The following FAAH2 variants were observed in gnomAD, a reference collection of about 807,000 sequenced individuals.
FAAH2 encodes fatty-acid amide hydrolase 2.
FAAH2 carries 60 observed loss-of-function variants against 36.9 expected under a neutral mutation model. The observed-to-expected ratio is 1.63, with a 90% CI of 1.32 to 2.02. The LOEUF (loss-of-function observed/expected upper bound fraction) is 2.02. Among genes scored for constraint, FAAH2 ranks in the 30% most tolerant of loss-of-function variants. The pLI is 0.00. For missense variants in FAAH2, 689 were observed against 397.5 expected, an observed-to-expected ratio of 1.73 and a Z score of -6.23; for synonymous variants, 214 against 143.8, an observed-to-expected ratio of 1.49 and a Z score of -3.49.
rs1440333438 is a variant in FAAH2 at position 57,378,542 on chromosome X, T to C, written c.743-109T>C. 1.2e-5 allele frequency: 12 copies of C among 1,025,208 alleles called. No individual in the cohort carries two copies. In the Admixed American group the frequency reaches 2.9e-4, roughly 25 times the overall value. The allele number at this position is 1,025,208 out of a possible 1,213,427, so 84.5% of individuals were successfully genotyped here. ...TGAGATATAAGAAGACCTGAAAAGT[T>C]TTAACCAGGAGAAAAAGTATTTAAG... On this transcript the variant is annotated intron_variant, in intron 5 of 10. Coordinates refer to ENST00000374900, the MANE Select transcript of FAAH2 (RefSeq NM_174912.4).
intron 10 of FAAH2, among the ~76,000 whole-genome samples, chrX:57,462,255 C>T (rs1280985358): frequency 1.8e-5 from 2 of 108,867 alleles, no homozygotes; most frequent in African/African-American, 6.7e-5. Context: ...ACTATTCCTT[C>T]TGAAACGATT....
chrX:57,137,928 A>G, the FAAH2 span, among the ~76,000 whole-genome samples: 4 of 111,743 alleles, frequency 3.6e-5, no homozygotes, highest in African/African-American at 1.3e-4. Flanking sequence ...TTCTGTGTAC[A>G]GTTCCAGAAA....
chrX:57,244,071 A>C, the FAAH2 span, among the ~76,000 whole-genome samples: 1 of 108,441 alleles, frequency 9.2e-6, no homozygotes, highest in Non-Finnish European at 1.9e-5. Flanking sequence ...TGGAGCTGAA[A>C]AACATAGCAT....
At chrX:57,459,740 C>T (rs770003156) in intron 10 of FAAH2, among the ~76,000 whole-genome samples, 2 of 112,100 alleles carry the variant, frequency 1.8e-5, no homozygotes, top group Non-Finnish European at 3.8e-5. Flanking sequence ...CTTCAGCAGA[C>T]CTGCGGAAGA....
At chrX:57,285,462 G>A (rs1188805145), upstream of FAAH2, among the ~76,000 whole-genome samples, 3 of 111,938 alleles carry the variant, frequency 2.7e-5, no homozygotes, top group African/African-American at 6.5e-5. Flanking sequence ...TCTAGATGGG[G>A]CATAGACACA....
At chrX:57,127,521 G>A in the FAAH2 span, among the ~76,000 whole-genome samples, 1 of 111,209 alleles carries the variant, frequency 9.0e-6, no homozygotes. Flanking sequence ...AGATTTCTTT[G>A]TCTTAAGGAG....
chrX:57,158,768 C>T, the FAAH2 span, among the ~76,000 whole-genome samples: 20 of 111,799 alleles, frequency 1.8e-4, no homozygotes, highest in African/African-American at 6.2e-4. Context: ...GAGTAGATTG[C>T]AAAAATTTTC....
chrX:57,444,980 C>G (rs1311805583), intron 8 of FAAH2, among the ~76,000 whole-genome samples: 1 of 111,687 alleles, frequency 9.0e-6, no homozygotes, highest in Non-Finnish European at 1.9e-5. Context: ...CTGAATTGGT[C>G]ACTGGTGCCT....
At chrX:57,315,292 G>A (rs1264331882) in intron 3 of FAAH2, among the ~76,000 whole-genome samples, 1 of 110,821 alleles carries the variant, frequency 9.0e-6, no homozygotes, top group Non-Finnish European at 1.9e-5. Context: ...AAGTGTCCTG[G>A]ACTAGATGGA....
the FAAH2 span, among the ~76,000 whole-genome samples, chrX:57,140,088 T>C: frequency 9.0e-6 from 1 of 111,721 alleles, no homozygotes; most frequent in Non-Finnish European, 1.9e-5. Flanking sequence ...GTTTAGTTTA[T>C]TTCTAGGTAT....
the FAAH2 span, among the ~76,000 whole-genome samples, chrX:57,261,552 C>CAAAAAAAAAAA: frequency 0.016 from 361 of 22,639 alleles, no homozygotes; most frequent in East Asian, 0.022. Context: ...GACTCTGTCT[C>CAAAAAAAAAAA]AAAAAAAAAA....
upstream of FAAH2, among the ~76,000 whole-genome samples, chrX:57,283,064 C>T (rs1453748645): frequency 8.9e-6 from 1 of 112,379 alleles, no homozygotes; most frequent in Non-Finnish European, 1.9e-5. Flanking sequence ...AAGGGTGGGG[C>T]AGCTGCGTTT....
the FAAH2 span, among the ~76,000 whole-genome samples, chrX:57,165,876 G>A: frequency 9.1e-6 from 1 of 110,394 alleles, no homozygotes; most frequent in Non-Finnish European, 1.9e-5. Context: ...AGACACTCCT[G>A]TTTTCACACC....
chrX:57,333,286 C>G (rs1013102646), intron 4 of FAAH2, among the ~76,000 whole-genome samples: 2 of 111,572 alleles, frequency 1.8e-5, no homozygotes, highest in African/African-American at 6.5e-5. Context: ...TAACCCCTAG[C>G]CAGGGAAACA....
chrX:57,463,626 T>C (rs1460744080), intron 10 of FAAH2, among the ~76,000 whole-genome samples: 4 of 111,225 alleles, frequency 3.6e-5, no homozygotes, highest in African/African-American at 1.3e-4. Context: ...AAAAAAGACA[T>C]TTATCTGGCC....
chrX:57,393,559 G>A (rs956581695), intron 7 of FAAH2: 6 of 947,975 alleles, frequency 6.3e-6, no homozygotes, highest in Non-Finnish European at 9.1e-6. Context: ...ACACTGGAGT[G>A]CCCTCCAATC....
chrX:57,281,702 G>A, the FAAH2 span, among the ~76,000 whole-genome samples: 36 of 111,328 alleles, frequency 3.2e-4, no homozygotes, highest in Non-Finnish European at 6.2e-4. Context: ...GTAATTTTTT[G>A]GTCCTCAGCC....
chrX:57,138,420 T>TTATA, the FAAH2 span, among the ~76,000 whole-genome samples: 11 of 107,769 alleles, frequency 1.0e-4, no homozygotes, highest in Non-Finnish European at 1.5e-4. Flanking sequence ...TAATATTTTA[T>TTATA]TATATATATA....
the FAAH2 span, among the ~76,000 whole-genome samples, chrX:57,256,077 G>A: frequency 8.9e-6 from 1 of 112,262 alleles, no homozygotes; most frequent in African/African-American, 3.2e-5. Flanking sequence ...TTTCAGCAAA[G>A]TTTCAGGATA....
Sources: gnomAD v4.1 joint callset for allele counts (sites outside exome capture counted in the v4.1 genomes callset) on GRCh38, gnomAD v4.1.1 for gene constraint, MANE v1.5 for transcripts, NCBI Gene and HGNC (gene_info 2026-07-23, HGNC 2026-07-21) for gene names.